The following RB1 variants were observed in gnomAD, a reference collection of about 807,000 sequenced individuals.
RB1 encodes the protein retinoblastoma-associated protein.
A neutral mutation model predicts 135.4 loss-of-function variants in RB1; 18 were observed. The ratio of observed to expected loss-of-function variants is 0.13; its 90% CI spans 0.09 to 0.20. RB1 has a LOEUF of 0.20. RB1 is among the 10% of genes least tolerant of loss of function. The pLI is 1.00. For synonymous variants in RB1, 365 were observed against 373.2 expected (o/e 0.98, Z 0.25); for missense variants, 868 against 1,110.0 (o/e 0.78, Z 3.10).
chr13:48,456,760 G>A (rs1949363218), intron 19 of RB1, among the ~76,000 whole-genome samples: 3 of 152,230 alleles, frequency 2.0e-5, no homozygotes, highest in Non-Finnish European at 4.4e-5. Context: ...TGCTGCAGCG[G>A]GGCGGGCAGC....
intron 17 of RB1, among the ~76,000 whole-genome samples, chr13:48,402,799 G>A (rs1295400175): frequency 6.6e-6 from 1 of 151,960 alleles, no homozygotes; most frequent in Non-Finnish European, 1.5e-5. Flanking sequence ...GTCATCTCAG[G>A]AAGTCTTATG....
chr13:48,329,247 A>T (rs1593427197), intron 2 of RB1, among the ~76,000 whole-genome samples: 2 of 152,218 alleles, frequency 1.3e-5, no homozygotes, highest in African/African-American at 4.8e-5. Context: ...TCTAAAAACT[A>T]TTTTTAAAGA....
chr13:48,389,159 AAAAAT>A (rs777883540), intron 17 of RB1, among the ~76,000 whole-genome samples: 93 of 152,218 alleles, frequency 6.1e-4, no homozygotes, highest in African/African-American at 1.4e-3. Flanking sequence ...ACTCTGTCTC[AAAAAT>A]AAAATAAAAT....
chr13:48,320,890 G>C (rs941625537), intron 2 of RB1, among the ~76,000 whole-genome samples: 9 of 151,874 alleles, frequency 5.9e-5, no homozygotes, highest in African/African-American at 2.2e-4. Flanking sequence ...GTCTGCAAAT[G>C]CTTCTTTGCA....
chr13:48,357,697 C>T (rs745560602), intron 6 of RB1, among the ~76,000 whole-genome samples: 2 of 152,004 alleles, frequency 1.3e-5, no homozygotes, highest in Non-Finnish European at 2.9e-5. Flanking sequence ...TGATGCTACC[C>T]TCTTATCTCA....
Position 48,380,206 on chromosome 13 carries a change from C to T in RB1, c.1463C>T (p.Ala488Val), listed in dbSNP as rs780248969. Reference protein sequence around the residue: ...NDNIFHMSLLACALEVVMATY... With the variant: ...NDNIFHMSLLVCALEVVMATY... ...AACATTTTTCATATGTCTTTATTGG[C>T]GTGCGCTCTTGAGGTTGTAATGGCC... The change falls in exon 16 of 27, where the codon GCG becomes GTG. Residue 488 changes from alanine to valine, a missense_variant. Physicochemically the swap from Ala to Val is moderately conservative, Grantham distance 64. Around this residue, in one of 3 missense-constraint regions of RB1, gnomAD observed 641 missense variants for 791.3 expected, o/e 0.81. Transcript: ENST00000267163. 1.4e-5 allele frequency: 22 copies of T among 1,603,846 alleles called. No homozygotes were observed. Among genetic ancestry groups the T allele is most frequent in the Middle Eastern group, 1.8e-4 (1 of 5,494 alleles).
At chr13:48,317,606 C>G in intron 2 of RB1, 2 of 474,660 alleles carry the variant, frequency 4.2e-6, no homozygotes, top group Non-Finnish European at 7.0e-6. Context: ...GAGCGCTGGT[C>G]TTTCTGAATG....
At chr13:48,380,344 G>A in intron 16 of RB1, 103 bp downstream of exon 16, 1 of 870,608 alleles carries the variant, frequency 1.1e-6, no homozygotes, top group Non-Finnish European at 1.9e-6. Flanking sequence ...TTAAGGAGAA[G>A]GAATGCTTAT....
Position 48,380,157 on chromosome 13 carries a change from T to C in RB1, c.1422-8T>C. The C allele has an allele frequency of 1.3e-6, 2 of 1,557,392 alleles. No individual in the cohort carries two copies. The highest frequency in any genetic ancestry group is 1.7e-6 in the Non-Finnish European group (2 of 1,150,968). On this transcript the variant is annotated splice_region_variant and splice_polypyrimidine_tract_variant and intron_variant, in intron 15 of 26. Transcript: ENST00000267163. Reference sequence around the variant, plus strand: ...AAGTATTTTATAATCTTTTTTTTTTTCCTTTAGCAAACTTCTGAATGACAA... The same window carrying C: ...AAGTATTTTATAATCTTTTTTTTTTCCCTTTAGCAAACTTCTGAATGACAA...
At chr13:48,317,510 C>A in intron 2 of RB1, 1 of 449,774 alleles carries the variant, frequency 2.2e-6, no homozygotes, top group South Asian at 2.1e-5. Flanking sequence ...TGAAAGCTCC[C>A]CCCAGCACCT....
chr13:48,322,480 A>G (rs1437663758), intron 2 of RB1, among the ~76,000 whole-genome samples: 1 of 152,160 alleles, frequency 6.6e-6, no homozygotes, highest in Admixed American at 6.5e-5. Context: ...GCAAATAGAG[A>G]TAGTTTTACT....
chr13:48,348,815 G>C, intron 5 of RB1, 141 bp from the exon 6 acceptor site: 1 of 895,430 alleles, frequency 1.1e-6, no homozygotes, highest in Non-Finnish European at 1.6e-6. Flanking sequence ...CAATTAAAAT[G>C]GACTGCATTC....
At chr13:48,399,702 T>C (rs956751403) in intron 17 of RB1, among the ~76,000 whole-genome samples, 4 of 152,034 alleles carry the variant, frequency 2.6e-5, no homozygotes, top group African/African-American at 7.2e-5. Context: ...CTGTGTTAAA[T>C]GCTTATGTAA....
rs930159778 is a variant in RB1 at position 48,462,388 on chromosome 13, G to C, written c.2107-1343G>C. Among the ~76,000 whole-genome samples, 5 of 152,066 alleles carry C rather than the reference G, an allele frequency of 3.3e-5. 1 individual carries two copies. The highest frequency in any genetic ancestry group is 7.4e-5 in the Non-Finnish European group (5 of 68,008). ...AAGCCACCCACCTTGGCCTCCCAAAGTGCTAGGATTACAGGCATGAGCCAC... is the reference window on the plus strand; with the variant it reads ...AAGCCACCCACCTTGGCCTCCCAAACTGCTAGGATTACAGGCATGAGCCAC... On this transcript the variant is annotated intron_variant, in intron 20 of 26. Coordinates refer to ENST00000267163, the MANE Select transcript of RB1 (RefSeq NM_000321.3).
intron 2 of RB1, among the ~76,000 whole-genome samples, chr13:48,321,163 C>T (rs1323393478): frequency 6.6e-6 from 1 of 152,168 alleles, no homozygotes; most frequent in Non-Finnish European, 1.5e-5. Flanking sequence ...TCCCGCGTCC[C>T]GCATCCGGGG....
chr13:48,443,863 C>T (rs994930627), intron 17 of RB1, among the ~76,000 whole-genome samples: 1 of 151,990 alleles, frequency 6.6e-6, no homozygotes, highest in Non-Finnish European at 1.5e-5. Flanking sequence ...TGATGACATG[C>T]TATTGCTGAA....
chr13:48,463,699 T>A, intron 20 of RB1, 32 bp from the exon 21 acceptor site: 1 of 1,254,616 alleles, frequency 8.0e-7, no homozygotes, highest in East Asian at 2.3e-5. Flanking sequence ...GTAATAAAAT[T>A]CTGACTACTT....
At chr13:48,433,181 C>T (rs1448742465) in intron 17 of RB1, among the ~76,000 whole-genome samples, 3 of 151,738 alleles carry the variant, frequency 2.0e-5, no homozygotes, top group African/African-American at 7.3e-5. Context: ...ATATCTAAAA[C>T]GTGACTTATT....
At position 48,376,920 on chromosome 13, in the gene RB1, C is replaced by G. The variant is rs1593453983; in HGVS notation, c.1218C>G (p.Asn406Lys). The G allele has an allele frequency of 1.2e-6, 2 of 1,613,498 alleles. No individual in the cohort carries two copies. The highest frequency in any genetic ancestry group is 1.7e-6 in the Non-Finnish European group (2 of 1,179,756). The change falls in exon 13 of 27, where the codon AAC becomes AAG. Residue 406 changes from asparagine (N) to lysine (K), a missense_variant and splice_region_variant. By Grantham distance (94) the Asn-to-Lys change is moderately conservative (BLOSUM62 0). This residue lies in a region of RB1 where 641 missense variants were observed against 791.3 expected (regional missense o/e 0.81). Transcript: ENST00000267163. Reference protein sequence around the residue: ...PSENLISYFNNCTVNPKESIL... With the variant: ...PSENLISYFNKCTVNPKESIL... ...ATTTCTGTTTTTACCTCCTAAAGAA[C>G]TGCACAGTGAATCCAAAAGAAAGTA...
Sources: gnomAD v4.1 joint callset for allele counts (sites outside exome capture counted in the v4.1 genomes callset) on GRCh38, gnomAD v4.1.1 for gene constraint, gnomAD v4.1.1 regional missense constraint, MANE v1.5 for transcripts, NCBI Gene and HGNC (gene_info 2026-07-23, HGNC 2026-07-21) for gene names.